Variants in FZD3 observed in about 807,000 individuals in gnomAD.
FZD3 encodes the protein frizzled class receptor 3.
Under a neutral mutation model 60.7 loss-of-function variants are expected in FZD3, and 30 were observed. That is an observed-to-expected ratio of 0.49 (90% CI 0.37 to 0.67). FZD3 has a LOEUF of 0.67. Among genes scored for constraint, FZD3 ranks in the 30% least tolerant of loss-of-function variants. The probability of loss-of-function intolerance (pLI) is 0.00; values close to 1 mark genes in which losing one functional copy is unlikely to be tolerated. For synonymous variants in FZD3, 246 were observed against 275.2 expected (o/e 0.89, Z 1.05); for missense variants, 605 against 838.7 (o/e 0.72, Z 3.44).
At chr8:28,561,532 T>C (rs1053119384) in intron 7 of FZD3, among the ~76,000 whole-genome samples, 5 of 151,874 alleles carry the variant, frequency 3.3e-5, no homozygotes, top group Non-Finnish European at 7.4e-5. Context: ...GAAGGAATGG[T>C]GGATTAACGC....
At chr8:28,537,998 T>G (rs776562688) in intron 5 of FZD3, among the ~76,000 whole-genome samples, 1 of 151,770 alleles carries the variant, frequency 6.6e-6, no homozygotes, top group African/African-American at 2.4e-5. Flanking sequence ...GCGCCTGTAA[T>G]CCCAGCTACC....
intron 5 of FZD3, among the ~76,000 whole-genome samples, chr8:28,539,156 G>A (rs1805096713): frequency 6.6e-6 from 1 of 152,176 alleles, no homozygotes; most frequent in Admixed American, 6.5e-5. Context: ...AGTGAGTGGT[G>A]GGTGAGCCAG....
chr8:28,509,774 A>AT (rs943654164), intron 3 of FZD3, among the ~76,000 whole-genome samples: 2 of 152,082 alleles, frequency 1.3e-5, no homozygotes, highest in African/African-American at 4.8e-5. Flanking sequence ...GAATTTTCTT[A>AT]TTTTTTTAAG....
chr8:28,550,481 C>CTTTTTTTTTTTTTTTTT (rs386412443), intron 5 of FZD3, among the ~76,000 whole-genome samples: 18 of 34,328 alleles, frequency 5.2e-4, no homozygotes, highest in East Asian at 1.2e-3. Context: ...CTTCTTTTAT[C>CTTTTTTTTTTTTTTTTT]TTTTTTTTTT....
chr8:28,518,166 C>T (rs1804482130), intron 3 of FZD3, among the ~76,000 whole-genome samples: 1 of 151,876 alleles, frequency 6.6e-6, no homozygotes, highest in African/African-American at 2.4e-5. Flanking sequence ...TCAAGTGATC[C>T]TCCTGCCTCT....
chr8:28,503,165 A>G lies in FZD3; in HGVS notation c.152A>G (p.Asn51Ser), dbSNP rs943517542. The G allele has an allele frequency of 3.7e-6, 6 of 1,613,568 alleles. No homozygotes were observed. The highest frequency in any genetic ancestry group is 5.1e-6 in the Non-Finnish European group (6 of 1,179,504). Residue 51 changes from asparagine (N) to serine (S), a missense_variant, in exon 3 of 8, where the codon AAT becomes AGT. By Grantham distance (46) the Asn-to-Ser change is conservative (BLOSUM62 1). Coordinates refer to ENST00000240093, the MANE Select transcript of FZD3 (RefSeq NM_017412.4). ...YNTTFMPNLLNHYDQQTAALA... is the reference protein window; with the variant it reads ...YNTTFMPNLLSHYDQQTAALA... ...ACTACCTTCATGCCTAATCTTCTGA[A>G]TCATTATGACCAACAGACAGCAGCT...
intron 1 of FZD3, 70 bp downstream of exon 1, chr8:28,494,413 G>C (rs1803778999): frequency 6.6e-6 from 1 of 152,280 alleles, no homozygotes; most frequent in Non-Finnish European, 1.5e-5. Context: ...TGTGGAGCCC[G>C]AGGAGGCGCC....
At position 28,527,900 on chromosome 8, in the gene FZD3, C is replaced by G; in HGVS notation, c.1140C>G (p.Cys380Trp). ...GATATTTTGTTCTTGCTCCCCTCTG[C>G]CTGTATGTGGTAGTTGGGGTTTCTC... ...ALRYFVLAPL[C>W]LYVVVGVSLL... Residue 380 changes from cysteine to tryptophan, a missense_variant, in exon 5 of 8, where the codon TGC (cysteine) becomes TGG (tryptophan). By Grantham distance (215) the Cys-to-Trp change is radical. Transcript: ENST00000240093. The surrounding 1 kb of genome is among the most constrained non-coding windows in gnomAD (Gnocchi z 5.0). The G allele has an allele frequency of 6.2e-7, 1 of 1,614,050 alleles. No homozygotes were observed.
intron 3 of FZD3, among the ~76,000 whole-genome samples, chr8:28,515,354 A>G (rs979614026): frequency 6.6e-6 from 1 of 152,206 alleles, no homozygotes; most frequent in Non-Finnish European, 1.5e-5. Context: ...GCAGGAGTGA[A>G]AGTTCAGTAA....
In FZD3 at chr8:28,572,783, A is replaced by G. The variant is rs1327232863; in HGVS notation, c.*9772A>G. On this transcript the variant is annotated 3_prime_UTR_variant, in exon 8 of 8. Transcript: ENST00000240093. Reference sequence around the variant, plus strand: ...ATTTGCCATAAAATGCCATTTAAGGATTTTCTTTTTACCTTTATTTCATTA... The same window carrying G: ...ATTTGCCATAAAATGCCATTTAAGGGTTTTCTTTTTACCTTTATTTCATTA... 1.3e-5 allele frequency: 2 copies of G among 152,048 alleles called. No individual in the cohort carries two copies. The highest frequency in any genetic ancestry group is 2.4e-5 in the African/African-American group (1 of 41,384). 9.4% of individuals were successfully genotyped at this position (152,048 alleles called of 1,614,324 possible). A position where few individuals can be genotyped will look rare whatever the true frequency, so the allele number is the denominator to read the frequency against.
intron 1 of FZD3, among the ~76,000 whole-genome samples, chr8:28,495,342 A>G (rs1450888812): frequency 9.9e-5 from 15 of 152,186 alleles, no homozygotes; most frequent in Non-Finnish European, 1.2e-4. Context: ...GTCTGGGTTG[A>G]GGGAGATGCA....
intron 5 of FZD3, among the ~76,000 whole-genome samples, chr8:28,549,375 T>C (rs937448039): frequency 6.6e-6 from 1 of 152,228 alleles, no homozygotes; most frequent in African/African-American, 2.4e-5. Context: ...TTTTCTTTCT[T>C]ATATCTACTA....
Position 28,573,857 on chromosome 8 carries a change from A to G in FZD3, c.*10846A>G, listed in dbSNP as rs1011061166. ...GTTTTCCAAACTTTATTCTGAATCA[A>G]ATTGCTGAGGTGATTCTAAATGTCT... is the stretch of plus-strand genomic sequence containing the variant. On this transcript the variant is annotated 3_prime_UTR_variant, in exon 8 of 8. Coordinates refer to ENST00000240093, the MANE Select transcript of FZD3 (RefSeq NM_017412.4). 2 of 152,140 alleles carry G rather than the reference A, an allele frequency of 1.3e-5. No individual in the cohort carries two copies. The highest frequency in any genetic ancestry group is 6.6e-5 in the Admixed American group (1 of 15,256). 9.4% of individuals were successfully genotyped at this position (152,140 alleles called of 1,614,324 possible).
intron 7 of FZD3, among the ~76,000 whole-genome samples, chr8:28,561,612 C>A (rs1256873643): frequency 7.0e-6 from 1 of 142,076 alleles, no homozygotes; most frequent in African/African-American, 2.6e-5. Flanking sequence ...AAAAAAAAAA[C>A]CTAGCCTGCT....
intron 4 of FZD3, among the ~76,000 whole-genome samples, chr8:28,526,730 T>C (rs545494942): frequency 6.6e-6 from 1 of 152,342 alleles, no homozygotes; most frequent in African/African-American, 2.4e-5. Flanking sequence ...ATGTATGTGT[T>C]TGGCAAACTT....
intron 1 of FZD3, among the ~76,000 whole-genome samples, chr8:28,498,535 T>C (rs1803906216): frequency 6.6e-6 from 1 of 152,218 alleles, no homozygotes; most frequent in Non-Finnish European, 1.5e-5. Context: ...ATTATGTTAT[T>C]GAAGACATAT....
chr8:28,557,508 C>A (rs1805533667), intron 7 of FZD3, among the ~76,000 whole-genome samples: 1 of 152,150 alleles, frequency 6.6e-6, no homozygotes, highest in African/African-American at 2.4e-5. Context: ...TTCCTCTCAA[C>A]TTGTTTTCTT....
In FZD3 at chr8:28,558,313, G is replaced by A. The variant is rs545678731; in HGVS notation, c.1787+2342G>A. 3.9e-5 allele frequency among the ~76,000 whole-genome samples: 6 copies of A among 152,272 alleles called. No homozygotes were observed. In the East Asian group the frequency reaches 5.8e-4, roughly 15 times the overall value. On this transcript the variant is annotated intron_variant, in intron 7 of 7. Coordinates refer to ENST00000240093, the MANE Select transcript of FZD3 (RefSeq NM_017412.4). ...TTTAGGGGTCCCAGCTGAAAATACT[G>A]ATAAGGAGGGAGGGAATCAGAGTTC...
intron 3 of FZD3, among the ~76,000 whole-genome samples, chr8:28,506,947 A>G (rs954355588): frequency 2.0e-5 from 3 of 152,190 alleles, no homozygotes; most frequent in African/African-American, 7.2e-5. Context: ...TTACCAACTC[A>G]TAGCTAGTCT....
Sources: allele counts gnomAD v4.1 joint callset (sites outside exome capture counted in the v4.1 genomes callset), GRCh38; gene constraint gnomAD v4.1.1; non-coding constraint Gnocchi (gnomAD v3.1); transcripts MANE v1.5; gene names NCBI Gene and HGNC (gene_info 2026-07-23, HGNC 2026-07-21).